LCP2: variants seen among roughly 807,000 people sequenced by gnomAD.
The protein encoded by LCP2 is lymphocyte cytosolic protein 2.
Under a neutral mutation model 74.5 loss-of-function variants are expected in LCP2, and 29 were observed. That is an observed-to-expected ratio of 0.39 (90% CI 0.29 to 0.53). LCP2 has a LOEUF of 0.53. Ranked by LOEUF, LCP2 falls within the 20% of genes least tolerant of loss-of-function variation. The pLI is 0.72. For synonymous variants in LCP2, 228 were observed against 229.5 expected (o/e 0.99, Z 0.06); for missense variants, 604 against 634.6 (o/e 0.95, Z 0.52).
chr5:170,274,257 G>C, intron 6 of LCP2, 44 bp downstream of exon 6: 3 of 1,602,230 alleles, frequency 1.9e-6, no homozygotes, highest in Non-Finnish European at 2.6e-6. Flanking sequence ...AAGCTGCCCT[G>C]GACACTGCTG....
intron 6 of LCP2, among the ~76,000 whole-genome samples, chr5:170,272,815 T>A (rs12517015): frequency 6.6e-6 from 1 of 151,426 alleles, no homozygotes; most frequent in East Asian, 1.9e-4. Context: ...GGTTTCACCA[T>A]GTTGACCAGG....
chr5:170,273,492 C>T (rs1329973566), intron 6 of LCP2, among the ~76,000 whole-genome samples: 1 of 152,196 alleles, frequency 6.6e-6, no homozygotes, highest in Non-Finnish European at 1.5e-5. Flanking sequence ...TCTGAAGGCA[C>T]TAGAGGTGGC....
intron 19 of LCP2, 101 bp downstream of exon 19, chr5:170,252,333 C>A: frequency 1.6e-6 from 1 of 642,530 alleles, no homozygotes; most frequent in South Asian, 2.0e-5. Context: ...GCAACAGCAC[C>A]TAGCAGAATT....
intron 1 of LCP2, among the ~76,000 whole-genome samples, chr5:170,296,468 T>C (rs895019750): frequency 1.2e-4 from 18 of 152,314 alleles, no homozygotes; most frequent in South Asian, 4.1e-4. Flanking sequence ...GTCTACCCTC[T>C]TGAATCTCAA....
chr5:170,260,998 C>A, intron 14 of LCP2, 109 bp downstream of exon 14: 1 of 789,950 alleles, frequency 1.3e-6, no homozygotes, highest in East Asian at 2.6e-5. Flanking sequence ...GGTGCAGGAC[C>A]TGCTCCAGGT....
At chr5:170,251,022 T>C in intron 19 of LCP2, 137 bp from the exon 20 acceptor site, 1 of 625,566 alleles carries the variant, frequency 1.6e-6, no homozygotes, top group Admixed American at 3.0e-5. Flanking sequence ...GCAAAACCTG[T>C]CATTCAACGA....
intron 7 of LCP2, among the ~76,000 whole-genome samples, chr5:170,269,232 A>C (rs1257729668): frequency 6.6e-6 from 1 of 152,204 alleles, no homozygotes; most frequent in African/African-American, 2.4e-5. Context: ...ATCTCCACGG[A>C]AGTGTCCCTA....
rs1341052289 is a variant in LCP2 at position 170,266,815 on chromosome 5, G to A, written c.765C>T (p.Phe255=). Residue 255 remains phenylalanine (F), a synonymous_variant, in exon 10 of 21, where the codon TTC becomes TTT. Transcript: ENST00000046794. ...RSLAPFDREP[F]TLGKKPPFSD... Reference sequence around the variant, plus strand: ...AATGTGAATCATACCCACCTAGTGTGAAGGGTTCTCTATCAAACGGAGCTA... The same window carrying A: ...AATGTGAATCATACCCACCTAGTGTAAAGGGTTCTCTATCAAACGGAGCTA... 1 of 1,612,980 alleles carries A rather than the reference G, an allele frequency of 6.2e-7. No individual in the cohort carries two copies. Among genetic ancestry groups the A allele is most frequent in the Non-Finnish European group, 8.5e-7 (1 of 1,179,062 alleles).
chr5:170,281,474 G>A (rs916854038), intron 3 of LCP2, among the ~76,000 whole-genome samples: 7 of 152,148 alleles, frequency 4.6e-5, no homozygotes, highest in Admixed American at 3.9e-4. Context: ...TAGAAACAGC[G>A]TTTCACTGTG....
Position 170,250,883 on chromosome 5 carries a change from A to C in LCP2, c.1326T>G (p.Asp442Glu). ...AEAALRKINQ[D>E]GTFLVRDSSK... ...AGCTGTCTCTGACCAGAAATGTGCC[A>C]TCCTAAAAAGACAAATTCCTGTTAT... Residue 442 changes from aspartate (D) to glutamate (E), a missense_variant and splice_region_variant, in exon 20 of 21, where the codon GAT becomes GAG. Transcript: ENST00000046794. 6.2e-7 allele frequency: 1 copy of C among 1,613,010 alleles called. No individual in the cohort carries two copies. The highest frequency in any genetic ancestry group is 8.5e-7 in the Non-Finnish European group (1 of 1,179,344).
At chr5:170,266,339 T>C (rs1387550044) in intron 10 of LCP2, among the ~76,000 whole-genome samples, 1 of 152,200 alleles carries the variant, frequency 6.6e-6, no homozygotes, top group African/African-American at 2.4e-5. Flanking sequence ...ACATCCACCT[T>C]ACAGATTAGG....
At chr5:170,281,863 C>T (rs1445478048) in intron 3 of LCP2, among the ~76,000 whole-genome samples, 2 of 152,212 alleles carry the variant, frequency 1.3e-5, no homozygotes, top group Non-Finnish European at 2.9e-5. Flanking sequence ...CCACCCACCC[C>T]GTCACTCTCT....
intron 6 of LCP2, among the ~76,000 whole-genome samples, chr5:170,273,288 C>G (rs1241653033): frequency 3.9e-5 from 6 of 152,202 alleles, no homozygotes; most frequent in Non-Finnish European, 7.3e-5. Flanking sequence ...AAGGATTCTG[C>G]CTCTGTGAGT....
At chr5:170,296,335 C>T (rs1027571509) in intron 1 of LCP2, among the ~76,000 whole-genome samples, 2 of 152,188 alleles carry the variant, frequency 1.3e-5, no homozygotes, top group Non-Finnish European at 2.9e-5. Flanking sequence ...TGTACCCCTA[C>T]CATACCACAC....
chr5:170,258,882 G>T lies in LCP2; in HGVS notation c.958-4C>A. On this transcript the variant is annotated splice_region_variant and splice_polypyrimidine_tract_variant and intron_variant, in intron 14 of 20. Coordinates refer to ENST00000046794, the MANE Select transcript of LCP2 (RefSeq NM_005565.5). ...CGAACATACCATCATCTTCATCCTGGGAAGGGGAAGAAAAAAAAAGATATT... is the reference window on the plus strand; with the variant it reads ...CGAACATACCATCATCTTCATCCTGTGAAGGGGAAGAAAAAAAAAGATATT... The T allele has an allele frequency of 6.3e-7, 1 of 1,576,432 alleles. No homozygotes were observed. The highest frequency in any genetic ancestry group is 1.1e-5 in the South Asian group (1 of 87,006).
intron 1 of LCP2, among the ~76,000 whole-genome samples, chr5:170,295,798 C>G (rs1762368855): frequency 6.6e-6 from 1 of 152,222 alleles, no homozygotes; most frequent in Non-Finnish European, 1.5e-5. Flanking sequence ...TTGCCTCAGT[C>G]TCCTAGTTTC....
chr5:170,295,865 C>T (rs1411441453), intron 1 of LCP2, among the ~76,000 whole-genome samples: 7 of 152,098 alleles, frequency 4.6e-5, no homozygotes, highest in Non-Finnish European at 1.0e-4. Context: ...GTAGATTTGT[C>T]CTGGGGTCTG....
intron 1 of LCP2, among the ~76,000 whole-genome samples, chr5:170,295,709 T>A (rs1009612463): frequency 6.6e-6 from 1 of 152,226 alleles, no homozygotes; most frequent in Admixed American, 6.5e-5. Context: ...GTAGTTTCTT[T>A]CAGGGGGCTG....
intron 5 of LCP2, among the ~76,000 whole-genome samples, chr5:170,274,550 G>A (rs189185892): frequency 5.3e-5 from 8 of 152,234 alleles, no homozygotes; most frequent in African/African-American, 1.9e-4. Context: ...AGGGGGTGGC[G>A]ATGGTTCTCA....
Sources: gnomAD v4.1 joint callset for allele counts (sites outside exome capture counted in the v4.1 genomes callset) on GRCh38, gnomAD v4.1.1 for gene constraint, MANE v1.5 for transcripts, NCBI Gene and HGNC (gene_info 2026-07-23, HGNC 2026-07-21) for gene names.